The following TENM3 variants were observed in gnomAD, a reference collection of about 807,000 sequenced individuals.
TENM3 encodes teneurin transmembrane protein 3.
TENM3 carries 63 observed loss-of-function variants against 255.1 expected under a neutral mutation model. The ratio of observed to expected loss-of-function variants is 0.25; its 90% CI spans 0.20 to 0.30. TENM3 has a LOEUF of 0.30. TENM3 is among the 10% of genes least tolerant of loss of function. TENM3 has a pLI of 1.00. For missense variants in TENM3, 2,929 were observed against 3,461.1 expected (o/e 0.85, Z 3.86); for synonymous variants, 1,306 against 1,322.3 (o/e 0.99, Z 0.27).
chr4:181,505,073 T>G, the TENM3 span, among the ~76,000 whole-genome samples: 1 of 152,212 alleles, frequency 6.6e-6, no homozygotes, highest in Non-Finnish European at 1.5e-5. Flanking sequence ...TGTGTTGTCA[T>G]GCACATAATC....
chr4:182,462,723 C>A (rs1305611501), intron 3 of TENM3, among the ~76,000 whole-genome samples: 2 of 151,770 alleles, frequency 1.3e-5, no homozygotes, highest in South Asian at 4.2e-4. Context: ...CCTGACTCTA[C>A]TAAAAATACA....
chr4:181,794,454 A>G, the TENM3 span, among the ~76,000 whole-genome samples: 1 of 152,142 alleles, frequency 6.6e-6, no homozygotes, highest in African/African-American at 2.4e-5. Context: ...CATGTCCCAC[A>G]TCCCAGCCCC....
the TENM3 span, among the ~76,000 whole-genome samples, chr4:181,689,101 T>C: frequency 3.4e-3 from 521 of 152,322 alleles, 1 homozygote; most frequent in Non-Finnish European, 6.4e-3. Context: ...AATCAATGAC[T>C]AAGGCACACA....
the TENM3 span, among the ~76,000 whole-genome samples, chr4:181,869,831 A>G: frequency 3.3e-5 from 5 of 152,286 alleles, no homozygotes; most frequent in South Asian, 4.1e-4. Flanking sequence ...AACAAACAAT[A>G]AAAATAATAA....
At chr4:181,770,396 C>T in the TENM3 span, among the ~76,000 whole-genome samples, 28 of 152,112 alleles carry the variant, frequency 1.8e-4, no homozygotes, top group African/African-American at 5.1e-4. Flanking sequence ...GGAAGTTGGC[C>T]GGGCGTGGTG....
the TENM3 span, among the ~76,000 whole-genome samples, chr4:181,754,283 G>GTC: frequency 5.1e-4 from 23 of 45,234 alleles, no homozygotes; most frequent in East Asian, 2.9e-3. Context: ...CTATATCCCA[G>GTC]TCACACACAC....
chr4:181,609,892 A>T, the TENM3 span, among the ~76,000 whole-genome samples: 1 of 152,322 alleles, frequency 6.6e-6, no homozygotes, highest in African/African-American at 2.4e-5. Flanking sequence ...CAGACTTCAA[A>T]GAATTTAATA....
chr4:182,300,739 G>A (rs1290453496), intron 1 of TENM3, among the ~76,000 whole-genome samples: 1 of 152,196 alleles, frequency 6.6e-6, no homozygotes, highest in Non-Finnish European at 1.5e-5. Context: ...CATACTGCAA[G>A]CATGGTGGTT....
At chr4:181,777,319 A>G in the TENM3 span, among the ~76,000 whole-genome samples, 1 of 152,150 alleles carries the variant, frequency 6.6e-6, no homozygotes, top group Non-Finnish European at 1.5e-5. Flanking sequence ...ATAGCATTAT[A>G]ACAAATTTTG....
chr4:181,587,801 C>A, the TENM3 span, among the ~76,000 whole-genome samples: 3 of 152,276 alleles, frequency 2.0e-5, no homozygotes, highest in Middle Eastern at 3.4e-3. Flanking sequence ...AGAGAGTGAT[C>A]CTAAATAGCA....
At chr4:182,289,061 CA>C (rs111654239) in intron 1 of TENM3, among the ~76,000 whole-genome samples, 14 of 142,520 alleles carry the variant, frequency 9.8e-5, no homozygotes, top group South Asian at 2.2e-4. Context: ...CCTGTCTTGG[CA>C]AAAAAAAAAA....
the TENM3 span, among the ~76,000 whole-genome samples, chr4:181,556,184 T>A: frequency 3.3e-5 from 5 of 152,340 alleles, no homozygotes; most frequent in South Asian, 2.1e-4. Context: ...TTATACATTT[T>A]ATTATTTTGT....
chr4:181,707,310 C>T, the TENM3 span, among the ~76,000 whole-genome samples: 1 of 152,108 alleles, frequency 6.6e-6, no homozygotes, highest in Admixed American at 6.5e-5. Flanking sequence ...TATTTTCTGC[C>T]GGGCCCATTT....
At chr4:181,839,368 TATATATATATATATATAC>T in the TENM3 span, among the ~76,000 whole-genome samples, 2,776 of 74,098 alleles carry the variant, frequency 0.037, 162 homozygotes, top group African/African-American at 0.11. Context: ...TATATATATA[TATATATATATATATATAC>T]ACCTATATAC....
At position 182,565,378 on chromosome 4, in the gene TENM3, A is replaced by C. The variant is rs140801603; in HGVS notation, c.512-35546A>C. ...TTATATGTGAATTTTAGTCATATCTACACCCATTTACTACAAATAAGCAAG... is the reference window on the plus strand; with the variant it reads ...TTATATGTGAATTTTAGTCATATCTCCACCCATTTACTACAAATAAGCAAG... On this transcript the variant is annotated intron_variant, in intron 3 of 27. Transcript: ENST00000511685. 1.5e-4 allele frequency among the ~76,000 whole-genome samples: 23 copies of C among 152,346 alleles called. No individual in the cohort carries two copies. In the East Asian group the frequency reaches 4.4e-3, roughly 29 times the overall value.
At chr4:181,761,194 A>T in the TENM3 span, among the ~76,000 whole-genome samples, 1 of 152,084 alleles carries the variant, frequency 6.6e-6, no homozygotes, top group Non-Finnish European at 1.5e-5. Context: ...GCTGGTAGGG[A>T]AAAACCTCAT....
At chr4:182,089,626 G>C in the TENM3 span, among the ~76,000 whole-genome samples, 2 of 152,140 alleles carry the variant, frequency 1.3e-5, no homozygotes, top group Non-Finnish European at 2.9e-5. Context: ...ATATTTTTCT[G>C]TTTCTAATCC....
chr4:182,494,556 G>A (rs901196880), intron 3 of TENM3, among the ~76,000 whole-genome samples: 8 of 152,096 alleles, frequency 5.3e-5, no homozygotes, highest in African/African-American at 1.9e-4. Context: ...GGTATTTCTT[G>A]CAAATAAGGG....
chr4:182,267,872 T>A (rs182149397), intron 1 of TENM3, among the ~76,000 whole-genome samples: 1 of 152,336 alleles, frequency 6.6e-6, no homozygotes, highest in Non-Finnish European at 1.5e-5. Flanking sequence ...TCAAAAACTA[T>A]GGTACACTTG....
Sources: gnomAD v4.1 joint callset for allele counts (sites outside exome capture counted in the v4.1 genomes callset) on GRCh38, gnomAD v4.1.1 for gene constraint, MANE v1.5 for transcripts, NCBI Gene and HGNC (gene_info 2026-07-23, HGNC 2026-07-21) for gene names.